The following EVI5 variants were observed in gnomAD, a reference collection of about 807,000 sequenced individuals.
EVI5 encodes ecotropic viral integration site 5 protein homolog.
In EVI5, 73 loss-of-function variants were observed where a neutral mutation model predicts 112.0. That is an observed-to-expected ratio of 0.65 (90% confidence interval 0.54 to 0.79). The LOEUF is 0.79. Ranked by LOEUF, EVI5 falls within the 30% of genes least tolerant of loss-of-function variation. The pLI is 0.00. For missense variants in EVI5, 900 were observed against 968.8 expected (o/e 0.93, Z 0.94); for synonymous variants, 305 against 319.9 (o/e 0.95, Z 0.50).
chr1:92,739,402 A>G (rs1207291101), intron 1 of EVI5, among the ~76,000 whole-genome samples: 1 of 152,146 alleles, frequency 6.6e-6, no homozygotes, highest in Non-Finnish European at 1.5e-5. Context: ...CCAAACAGGC[A>G]AATCCAGAAG....
intron 19 of EVI5, among the ~76,000 whole-genome samples, chr1:92,546,754 G>A (rs1665785762): frequency 1.3e-5 from 2 of 151,980 alleles, no homozygotes; most frequent in Admixed American, 1.3e-4. Flanking sequence ...GACAAAGAAG[G>A]CCATTACATA....
intron 1 of EVI5, among the ~76,000 whole-genome samples, chr1:92,781,097 G>A (rs1324359165): frequency 1.3e-5 from 2 of 152,022 alleles, no homozygotes; most frequent in African/African-American, 2.4e-5. Context: ...TGATCCGCTC[G>A]CCTCGGCCTC....
intron 19 of EVI5, among the ~76,000 whole-genome samples, chr1:92,560,860 C>G (rs1668416054): frequency 6.9e-6 from 1 of 144,988 alleles, no homozygotes; most frequent in Non-Finnish European, 1.5e-5. Flanking sequence ...CCATTGCACC[C>G]AGCCTACAAA....
intron 19 of EVI5, among the ~76,000 whole-genome samples, chr1:92,560,557 CTTTTTTTTTT>C (rs1401363779): frequency 6.8e-6 from 1 of 147,828 alleles, no homozygotes; most frequent in Non-Finnish European, 1.5e-5. Context: ...ACTTTTTTTT[CTTTTTTTTTT>C]GAGACAGGGT....
chr1:92,730,703 AG>A (rs1346027106), intron 2 of EVI5, among the ~76,000 whole-genome samples: 120 of 151,138 alleles, frequency 7.9e-4, no homozygotes, highest in African/African-American at 2.8e-3. Flanking sequence ...AAAAAAAAAA[AG>A]GAACTTCCTC....
At chr1:92,756,736 T>C (rs534991850) in intron 1 of EVI5, 37 of 488,326 alleles carry the variant, frequency 7.6e-5, no homozygotes, top group South Asian at 4.9e-4. Flanking sequence ...AAGCTGTTGT[T>C]AGCAGATGGT....
intron 19 of EVI5, among the ~76,000 whole-genome samples, chr1:92,532,235 C>G (rs1662992466): frequency 6.6e-6 from 1 of 152,172 alleles, no homozygotes; most frequent in Admixed American, 6.5e-5. Context: ...GATAAGCTAA[C>G]TATCCTAAAT....
intron 13 of EVI5, chr1:92,647,490 C>A: frequency 2.1e-6 from 1 of 476,002 alleles, no homozygotes; most frequent in Non-Finnish European, 3.9e-6. Flanking sequence ...CTTTGCCAGA[C>A]ACTGTCTTCC....
In EVI5 at chr1:92,703,740, G is replaced by A. The variant is rs1449295789; in HGVS notation, c.340-121C>T. The A allele has an allele frequency of 9.2e-6, 6 of 654,438 alleles. No homozygotes were observed. The East Asian group carries it at 1.8e-4, about 20-fold the overall frequency. The allele number at this position is 654,438 out of a possible 1,614,324, so 40.5% of individuals were successfully genotyped here. On this transcript the variant is annotated intron_variant, in intron 3 of 19. Coordinates refer to ENST00000684568, the MANE Select transcript of EVI5 (RefSeq NM_001350197.2). ...CATCATTAAATTTGTAACTCACAAA[G>A]CTAGCTTTATAATAAGACTAGGGAA... is the stretch of plus-strand genomic sequence containing the variant.
At chr1:92,563,771 G>A (rs1668989338) in intron 18 of EVI5, 34 bp from the exon 19 acceptor site, 2 of 1,414,078 alleles carry the variant, frequency 1.4e-6, no homozygotes, top group Non-Finnish European at 1.0e-6. Flanking sequence ...GCAAAAACAA[G>A]AGGCAATTTT....
intron 18 of EVI5, among the ~76,000 whole-genome samples, chr1:92,582,564 GA>G (rs200608868): frequency 2.0e-5 from 3 of 150,062 alleles, no homozygotes; most frequent in Admixed American, 1.3e-4. Context: ...CTTGATTCAA[GA>G]AAAAAAAAGG....
intron 18 of EVI5, among the ~76,000 whole-genome samples, chr1:92,569,101 A>G (rs1231098665): frequency 6.6e-6 from 1 of 152,218 alleles, no homozygotes; most frequent in African/African-American, 2.4e-5. Flanking sequence ...ACTGGCACTT[A>G]TAATGTGCCA....
At chr1:92,611,638 G>A (rs12733238) in intron 16 of EVI5, among the ~76,000 whole-genome samples, 28,828 of 146,636 alleles carry the variant, frequency 0.2, 3,333 homozygotes, top group Non-Finnish European at 0.25. Context: ...GGCAGGACTT[G>A]CAGTGAGCCA....
intron 2 of EVI5, among the ~76,000 whole-genome samples, chr1:92,710,760 G>C (rs1570509529): frequency 6.6e-6 from 1 of 150,886 alleles, no homozygotes; most frequent in South Asian, 2.1e-4. Context: ...GGTTGGGGGG[G>C]GGGTGCCAAT....
Position 92,693,881 on chromosome 1 carries a change from G to T in EVI5, c.1018C>A (p.Pro340Thr). ...TCTGGGACACCATCAAACTGATGTG[G>T]AATGACCTTTTGAAAGTGCTAAGAT... ...GMLQHFQKVI[P>T]HQFDGVPDKL... The change falls in exon 9 of 20, where the codon CCA becomes ACA. Residue 340 changes from proline (P) to threonine (T), a missense_variant. Physicochemically the swap from Pro to Thr is conservative, Grantham distance 38. Coordinates refer to ENST00000684568, the MANE Select transcript of EVI5 (RefSeq NM_001350197.2). 6.3e-7 allele frequency: 1 copy of T among 1,595,984 alleles called. No individual in the cohort carries two copies. The highest frequency in any genetic ancestry group is 8.6e-7 in the Non-Finnish European group (1 of 1,164,676).
At chr1:92,593,371 C>A (rs554200621) in intron 18 of EVI5, among the ~76,000 whole-genome samples, 27 of 152,260 alleles carry the variant, frequency 1.8e-4, no homozygotes, top group Non-Finnish European at 3.4e-4. Context: ...ATTCAACAAC[C>A]CTTCATGCTA....
rs758307239 is a variant in EVI5 at position 92,697,970 on chromosome 1, C to T, written c.655G>A (p.Ala219Thr). The change falls in exon 6 of 20, where the codon GCT becomes ACT. Residue 219 changes from alanine (A) to threonine (T), a missense_variant. Transcript: ENST00000684568. ...LLLMQMPEEE[A>T]FCVFVKLMQD... Reference sequence around the variant, plus strand: ...ATTAATTTAACAAATACACAGAAAGCTTCTTCTTCTGGCATCTACATTGGA... The same window carrying T: ...ATTAATTTAACAAATACACAGAAAGTTTCTTCTTCTGGCATCTACATTGGA... The T allele has an allele frequency of 1.2e-6, 2 of 1,610,962 alleles. No individual in the cohort carries two copies. Among genetic ancestry groups the T allele is most frequent in the African/African-American group, 2.7e-5 (2 of 74,956 alleles).
chr1:92,680,539 G>GA (rs1487487552), intron 9 of EVI5, among the ~76,000 whole-genome samples: 2 of 152,084 alleles, frequency 1.3e-5, no homozygotes, highest in African/African-American at 2.4e-5. Flanking sequence ...GAGGGAGTGG[G>GA]AAAATCATAA....
rs200097553 is a variant in EVI5 at position 92,509,892 on chromosome 1, A to G, written c.*3764T>C. On this transcript the variant is annotated 3_prime_UTR_variant, in exon 20 of 20. Transcript: ENST00000684568. ...TACTCAACTCTAAGTGTTTAACTTA[A>G]TAACATTCAAATATCACAAAATGTC... is the stretch of plus-strand genomic sequence containing the variant. The G allele has an allele frequency of 3.9e-5, 6 of 152,210 alleles. No individual in the cohort carries two copies. Among genetic ancestry groups the G allele is most frequent in the Non-Finnish European group, 7.3e-5 (5 of 68,036 alleles). The allele number at this position is 152,210 out of a possible 1,614,324, so 9.4% of individuals were successfully genotyped here.
Sources: allele counts gnomAD v4.1 joint callset (sites outside exome capture counted in the v4.1 genomes callset), GRCh38; gene constraint gnomAD v4.1.1; transcripts MANE v1.5; gene names NCBI Gene and HGNC (gene_info 2026-07-23, HGNC 2026-07-21).